NPL: variants seen among roughly 807,000 people sequenced by gnomAD.
NPL encodes N-acetylneuraminate pyruvate lyase.
In NPL, 32 loss-of-function variants were observed where a neutral mutation model predicts 41.1. The ratio of observed to expected loss-of-function variants is 0.78; its 90% confidence interval spans 0.59 to 1.05. The LOEUF (loss-of-function observed/expected upper bound fraction) is 1.05, where lower values mean the gene tolerates loss of function less well. NPL is among the 50% of genes least tolerant of loss of function. The pLI is 0.00. For missense variants in NPL, 321 were observed against 378.4 expected (o/e 0.85, Z 1.26); for synonymous variants, 128 against 134.9 (o/e 0.95, Z 0.35).
intron 6 of NPL, among the ~76,000 whole-genome samples, chr1:182,814,124 G>C (rs116319965): frequency 6.6e-6 from 1 of 152,194 alleles, no homozygotes. Flanking sequence ...GATTGACCTG[G>C]ACTCAAGGGT....
rs745855955 is a variant in NPL, at chr1:182,814,847, C to A, written c.353C>A (p.Pro118Gln). Residue 118 changes from proline (P) to glutamine (Q), a missense_variant, in exon 7 of 13, where the codon CCA becomes CAA. Physicochemically the swap from Pro to Gln is moderately conservative, Grantham distance 76. Transcript: ENST00000367553. The part of the protein sequence containing the change: ...IAVIAPFFLK[P>Q]WTKDILINFL... ...GTCATTGCACCGTTCTTCCTCAAGCCATGGACCAAAGGTAAGTAGATAGGT... is the reference window on the plus strand; with the variant it reads ...GTCATTGCACCGTTCTTCCTCAAGCAATGGACCAAAGGTAAGTAGATAGGT... 25 of 1,613,792 alleles carry A rather than the reference C, an allele frequency of 1.5e-5. No individual in the cohort carries two copies. The highest frequency in any genetic ancestry group is 2.1e-5 in the Non-Finnish European group (25 of 1,179,828).
intron 3 of NPL, among the ~76,000 whole-genome samples, chr1:182,796,338 C>A (rs574119098): frequency 1.8e-4 from 28 of 152,088 alleles, no homozygotes; most frequent in African/African-American, 6.3e-4. Context: ...GAACACCCAC[C>A]AAGAACACGT....
intron 10 of NPL, 77 bp downstream of exon 10, chr1:182,818,936 T>C: frequency 8.4e-7 from 1 of 1,183,750 alleles, no homozygotes; most frequent in Non-Finnish European, 1.3e-6. Flanking sequence ...CTGTATTTCT[T>C]GCATGTGTAT....
At position 182,829,069 on chromosome 1, in the gene NPL, A is replaced by AGGTACC; in HGVS notation, c.*161_*162insGGTACC. On this transcript the variant is annotated 3_prime_UTR_variant, in exon 13 of 13. Transcript: ENST00000367553. ...CCTTTTGTGAGCCTTAAAAAGTCTT[A>AGGTACC]TTTTGTGAAGGGGCAAAAACTCTAG... 2 of 1,452,506 alleles carry AGGTACC rather than the reference A, an allele frequency of 1.4e-6. No homozygotes were observed. Among genetic ancestry groups the AGGTACC allele is most frequent in the Non-Finnish European group, 1.8e-6 (2 of 1,110,236 alleles). The allele number at this position is 1,452,506 out of a possible 1,614,324, so 90.0% of individuals were successfully genotyped here.
At chr1:182,811,095 T>C (rs1213154023) in intron 5 of NPL, among the ~76,000 whole-genome samples, 1 of 152,184 alleles carries the variant, frequency 6.6e-6, no homozygotes, top group Non-Finnish European at 1.5e-5. Flanking sequence ...GCCAGATATA[T>C]GCAAAGCACT....
At chr1:182,822,320 C>T (rs1390808592) in intron 11 of NPL, 121 bp downstream of exon 11, 3 of 730,764 alleles carry the variant, frequency 4.1e-6, no homozygotes, top group African/African-American at 1.8e-5. Flanking sequence ...CTTTCTTTAC[C>T]TTTCTTCTGT....
Position 182,806,135 on chromosome 1 carries a change from G to A in NPL, c.143-10G>A, listed in dbSNP as rs1462159523. On this transcript the variant is annotated splice_polypyrimidine_tract_variant and intron_variant, in intron 4 of 12. Transcript: ENST00000367553. ...CCTTGGTCCTGCTGACTTACTCTTTGTTTGAACAGTGAATGGCACAACAGG... is the reference window on the plus strand; with the variant it reads ...CCTTGGTCCTGCTGACTTACTCTTTATTTGAACAGTGAATGGCACAACAGG... 2 of 1,614,180 alleles carry A rather than the reference G, an allele frequency of 1.2e-6. No individual in the cohort carries two copies. Among genetic ancestry groups the A allele is most frequent in the African/African-American group, 1.3e-5 (1 of 75,050 alleles).
In NPL at chr1:182,829,907, T is replaced by C; in HGVS notation, c.*999T>C. The C allele has an allele frequency of 2.5e-6, 1 of 395,434 alleles. No homozygotes were observed. The highest frequency in any genetic ancestry group is 4.6e-6 in the Non-Finnish European group (1 of 218,606). The allele number at this position is 395,434 out of a possible 1,614,324, so 24.5% of individuals were successfully genotyped here. A position where few individuals can be genotyped will look rare whatever the true frequency, so the allele number is the denominator to read the frequency against. ...GTATCAACAACTGTTTAATCTCCCT[T>C]CTAACAAACCTTGATATAAGCTTTC... On this transcript the variant is annotated 3_prime_UTR_variant, in exon 13 of 13. Coordinates refer to ENST00000367553, the MANE Select transcript of NPL (RefSeq NM_030769.3).
At chr1:182,808,592 A>G (rs1667088321) in intron 5 of NPL, among the ~76,000 whole-genome samples, 1 of 152,156 alleles carries the variant, frequency 6.6e-6, no homozygotes, top group African/African-American at 2.4e-5. Context: ...TTAAGTGGAA[A>G]AATGTTGAGC....
At position 182,814,497 on chromosome 1, in the gene NPL, T is replaced by C. The variant is rs141712531; in HGVS notation, c.289-286T>C. 4.6e-5 allele frequency among the ~76,000 whole-genome samples: 7 copies of C among 152,340 alleles called. No homozygotes were observed. In the East Asian group the frequency reaches 1.4e-3, roughly 29 times the overall value. ...ATGAGCAGATATCTCGATTAACTGT[T>C]ATAACTTATCAAAATGAACCACTTA... On this transcript the variant is annotated intron_variant, in intron 6 of 12. Transcript: ENST00000367553.
At chr1:182,818,484 T>C (rs915647696) in intron 8 of NPL, 57 bp from the exon 9 acceptor site, 8 of 1,597,274 alleles carry the variant, frequency 5.0e-6, no homozygotes, top group Admixed American at 1.7e-5. Context: ...TGACACTATA[T>C]GAGATGTTAT....
At chr1:182,792,601 T>C (rs975366174) in intron 2 of NPL, among the ~76,000 whole-genome samples, 1 of 152,226 alleles carries the variant, frequency 6.6e-6, no homozygotes, top group Non-Finnish European at 1.5e-5. Context: ...TGATTTATTA[T>C]CTTGTGTTTT....
chr1:182,824,168 A>G (rs1014891659), intron 11 of NPL, among the ~76,000 whole-genome samples: 1 of 152,272 alleles, frequency 6.6e-6, no homozygotes, highest in Non-Finnish European at 1.5e-5. Context: ...AGATAAAAAC[A>G]GCCCAAATAT....
intron 4 of NPL, among the ~76,000 whole-genome samples, chr1:182,804,763 G>C (rs1279037166): frequency 6.6e-6 from 1 of 152,104 alleles, no homozygotes; most frequent in Non-Finnish European, 1.5e-5. Flanking sequence ...ATAATAATCA[G>C]AGCAGATTAA....
intron 10 of NPL, among the ~76,000 whole-genome samples, chr1:182,819,974 A>C (rs1484550486): frequency 1.3e-5 from 2 of 152,258 alleles, no homozygotes; most frequent in African/African-American, 4.8e-5. Flanking sequence ...CTCAATAGCC[A>C]AGGCAGATTA....
Position 182,829,562 on chromosome 1 carries a change from T to C in NPL, c.*654T>C. 3.3e-6 allele frequency: 5 copies of C among 1,532,112 alleles called. No individual in the cohort carries two copies. The highest frequency in any genetic ancestry group is 4.4e-6 in the Non-Finnish European group (5 of 1,131,264). 94.9% of individuals were successfully genotyped at this position (1,532,112 alleles called of 1,614,324 possible). A position where few individuals can be genotyped will look rare whatever the true frequency, so the allele number is the denominator to read the frequency against. On this transcript the variant is annotated 3_prime_UTR_variant, in exon 13 of 13. Transcript: ENST00000367553. ...TTTCTCATAACAAAGGAAAAAGTCT[T>C]CCCCAAAGATGAATTTAAGTCTCCA... is the stretch of plus-strand genomic sequence containing the variant.
intron 6 of NPL, among the ~76,000 whole-genome samples, chr1:182,813,934 ATCCCAGTCT>A (rs1358553268): frequency 6.6e-6 from 1 of 152,228 alleles, no homozygotes; most frequent in African/African-American, 2.4e-5. Flanking sequence ...ATTGGGCTAT[ATCCCAGTCT>A]TCTCCTTTTA....
intron 12 of NPL, chr1:182,827,167 C>T (rs1191675138): frequency 6.6e-6 from 1 of 152,180 alleles, no homozygotes; most frequent in Non-Finnish European, 1.5e-5. Flanking sequence ...TCCCAATGCT[C>T]AGTTTTTACT....
intron 7 of NPL, among the ~76,000 whole-genome samples, chr1:182,816,332 A>T (rs1054747620): frequency 2.6e-5 from 4 of 152,234 alleles, no homozygotes; most frequent in African/African-American, 9.6e-5. Context: ...TTAAAATCTT[A>T]TTATTATCCT....
Sources: gnomAD v4.1 joint callset for allele counts (sites outside exome capture counted in the v4.1 genomes callset) on GRCh38, gnomAD v4.1.1 for gene constraint, MANE v1.5 for transcripts, NCBI Gene and HGNC (gene_info 2026-07-23, HGNC 2026-07-21) for gene names.